Variants in FADS6 observed in about 807,000 individuals in gnomAD.
FADS6 encodes the protein fatty acid desaturase 6.
A neutral mutation model predicts 31.7 loss-of-function variants in FADS6; 28 were observed. The observed-to-expected ratio is 0.88, with a 90% CI of 0.66 to 1.21. The LOEUF is 1.21. Among genes scored for constraint, FADS6 ranks in the 50% most tolerant of loss-of-function variants. The pLI is 0.00. For missense variants in FADS6, 494 were observed against 504.2 expected (o/e 0.98, Z 0.19); for synonymous variants, 191 against 213.1 (o/e 0.90, Z 0.90).
chr17:74,878,301 G>A lies in FADS6; in HGVS notation c.*30C>T. 6.3e-7 allele frequency: 1 copy of A among 1,599,212 alleles called. No homozygotes were observed. The highest frequency in any genetic ancestry group is 1.1e-5 in the South Asian group (1 of 89,162). ...GGAGGGCCAGGGCCAGGCCAGGGAG[G>A]GGCAGGGTGGCTGCACCGGCCCGGC... On this transcript the variant is annotated 3_prime_UTR_variant, in exon 6 of 6. Coordinates refer to ENST00000612771, the MANE Select transcript of FADS6 (RefSeq NM_178128.6).
At chr17:74,891,489 C>T in intron 2 of FADS6, among the ~76,000 whole-genome samples, 1 of 152,090 alleles carries the variant, frequency 6.6e-6, no homozygotes, top group South Asian at 2.1e-4. Flanking sequence ...GACTCCAGAG[C>T]CTGGCCCGTG....
intron 3 of FADS6, among the ~76,000 whole-genome samples, chr17:74,882,235 C>A (rs376968511): frequency 6.6e-6 from 1 of 152,204 alleles, no homozygotes; most frequent in Admixed American, 6.5e-5. Flanking sequence ...CACACGCAGA[C>A]CCTGCAAAAC....
In FADS6 at chr17:74,893,282, G is replaced by A. The variant is rs924043248; in HGVS notation, c.244+70C>T. 4.2e-6 allele frequency: 6 copies of A among 1,428,986 alleles called. No individual in the cohort carries two copies. The African/African-American group carries it at 4.5e-5, about 11-fold the overall frequency. The allele number at this position is 1,428,986 out of a possible 1,614,324, so 88.5% of individuals were successfully genotyped here. On this transcript the variant is annotated intron_variant, in intron 1 of 5. Transcript: ENST00000612771. The stretch of plus-strand genomic sequence containing the variant: ...CCACGGCTGCTGTTGCAGACCCCGC[G>A]CCGCCACCTCCGCCGCACCCCGCCC...
chr17:74,885,774 C>T (rs1294926947), intron 2 of FADS6, among the ~76,000 whole-genome samples: 1 of 152,154 alleles, frequency 6.6e-6, no homozygotes, highest in African/African-American at 2.4e-5. Context: ...TGCCTCAAAT[C>T]CAGTAGAGTG....
Position 74,893,434 on chromosome 17 carries a change from G to GTCCTGCACCAGCACCTCCAGC in FADS6, c.141_161dup (p.Glu47_Gln53dup). ...CCCACCAGGAGCTCGTCCTCACCACGTCCTGCACCAGCACCTCCAGCTCCC... is the reference window on the plus strand; with the variant it reads ...CCCACCAGGAGCTCGTCCTCACCACGTCCTGCACCAGCACCTCCAGCTCCTGCACCAGCACCTCCAGCTCCC... On this transcript the variant is annotated inframe_insertion, in exon 1 of 6. Transcript: ENST00000612771. 6.3e-7 allele frequency: 1 copy of GTCCTGCACCAGCACCTCCAGC among 1,580,812 alleles called. No individual in the cohort carries two copies. Among genetic ancestry groups the GTCCTGCACCAGCACCTCCAGC allele is most frequent in the Non-Finnish European group, 8.6e-7 (1 of 1,165,384 alleles).
intron 2 of FADS6, among the ~76,000 whole-genome samples, chr17:74,884,161 A>G (rs2038600815): frequency 6.6e-6 from 1 of 152,090 alleles, no homozygotes; most frequent in South Asian, 2.1e-4. Context: ...GGTGCTCTCG[A>G]GGACTATTCT....
intron 2 of FADS6, among the ~76,000 whole-genome samples, chr17:74,885,664 C>T (rs1000590070): frequency 6.6e-6 from 1 of 152,054 alleles, no homozygotes; most frequent in Non-Finnish European, 1.5e-5. Context: ...CAGACAACCA[C>T]CACCTACACC....
rs377304907 is a variant in FADS6, at chr17:74,878,427, G to T, written c.1011C>A (p.Asn337Lys). ...GGAAGCGAGCCAGGTATGAGTCCTC[G>T]TTGTACGGTAGCTGCTTCTCACGTA... ...QFLREKQLPY[N>K]EDSYLARFQL... Residue 337 changes from asparagine to lysine, a missense_variant, in exon 6 of 6, where the codon AAC becomes AAA. Around this residue, in one of 2 missense-constraint regions of FADS6, gnomAD observed 454 missense variants for 438.5 expected, o/e 1.04. Transcript: ENST00000612771. 22 of 1,614,010 alleles carry T rather than the reference G, an allele frequency of 1.4e-5. No homozygotes were observed. The highest frequency in any genetic ancestry group is 1.9e-5 in the Non-Finnish European group (22 of 1,179,874).
At chr17:74,891,386 G>A (rs1448345544) in intron 2 of FADS6, among the ~76,000 whole-genome samples, 2 of 151,938 alleles carry the variant, frequency 1.3e-5, no homozygotes, top group Non-Finnish European at 2.9e-5. Flanking sequence ...CTGCCCCTGT[G>A]ACCCAGCATT....
rs188305676 is a variant in FADS6, at chr17:74,877,667, G to C, written c.*664C>G. The C allele has an allele frequency of 2.5e-5, 25 of 983,364 alleles. No individual in the cohort carries two copies. The East Asian group carries it at 2.0e-3, about 80-fold the overall frequency. 60.9% of individuals were successfully genotyped at this position (983,364 alleles called of 1,614,324 possible). ...TACTCTTTCCCTAACTCTGTCCCTG[G>C]GGAACCTTCTCCCCTCACTTCCCCT... On this transcript the variant is annotated 3_prime_UTR_variant, in exon 6 of 6. Coordinates refer to ENST00000612771, the MANE Select transcript of FADS6 (RefSeq NM_178128.6).
chr17:74,886,728 C>A (rs554068801), intron 2 of FADS6, among the ~76,000 whole-genome samples: 1 of 152,194 alleles, frequency 6.6e-6, no homozygotes, highest in African/African-American at 2.4e-5. Flanking sequence ...GCCTGCCATA[C>A]GCCCCCTTTC....
intron 5 of FADS6, 84 bp downstream of exon 5, chr17:74,879,320 G>A (rs1241923184): frequency 1.3e-6 from 2 of 1,513,544 alleles, no homozygotes; most frequent in African/African-American, 2.8e-5. Flanking sequence ...TATAGTGTGA[G>A]CAACGCCCCC....
rs1251910446 is a variant in FADS6, at chr17:74,877,933, G to A, written c.*398C>T. On this transcript the variant is annotated 3_prime_UTR_variant, in exon 6 of 6. Transcript: ENST00000612771. ...CAGGGAGGTCCCAGCCGAGGGAGCT[G>A]ACCCTGTTCTCTCTGTGCCCCCTGC... 5 of 997,540 alleles carry A rather than the reference G, an allele frequency of 5.0e-6. No homozygotes were observed. Among genetic ancestry groups the A allele is most frequent in the Non-Finnish European group, 6.0e-6 (5 of 838,464 alleles). 61.8% of individuals were successfully genotyped at this position (997,540 alleles called of 1,614,324 possible).
intron 2 of FADS6, among the ~76,000 whole-genome samples, chr17:74,886,643 G>GA (rs2038626658): frequency 6.6e-6 from 1 of 152,028 alleles, no homozygotes; most frequent in South Asian, 2.1e-4. Flanking sequence ...TTACCTATTT[G>GA]AAAAATAAGT....
chr17:74,888,126 CCACACA>C lies in FADS6; in HGVS notation c.411+4391_411+4396del, dbSNP rs1165268903. Among the ~76,000 whole-genome samples the C allele has an allele frequency of 9.4e-3, 1,207 of 127,940 alleles. 19 individuals are homozygous for C. The highest frequency in any genetic ancestry group is 0.03 in the African/African-American group (1,054 of 35,364). The allele number at this position is 127,940 out of a possible 152,430, so 83.9% of individuals were successfully genotyped here. ...GCATGGTGTAGGTGGAGCTGAGACA[CCACACA>C]CACACACACACACACACACACACGC... On this transcript the variant is annotated intron_variant, in intron 2 of 5. Transcript: ENST00000612771.
chr17:74,880,573 A>G (rs1373246746), intron 4 of FADS6, among the ~76,000 whole-genome samples: 4 of 151,876 alleles, frequency 2.6e-5, no homozygotes, highest in Admixed American at 2.6e-4. Flanking sequence ...CAGGCTCCTG[A>G]CCTCAGGTGA....
At chr17:74,883,723 G>A (rs1324376374) in intron 2 of FADS6, among the ~76,000 whole-genome samples, 1 of 152,158 alleles carries the variant, frequency 6.6e-6, no homozygotes, top group Non-Finnish European at 1.5e-5. Context: ...GTGCAGTGGT[G>A]AACCTCTGCC....
At chr17:74,890,972 C>T (rs1011687257) in intron 2 of FADS6, among the ~76,000 whole-genome samples, 2 of 152,158 alleles carry the variant, frequency 1.3e-5, no homozygotes, top group Non-Finnish European at 2.9e-5. Flanking sequence ...CATTCTGCTA[C>T]ACACCGAAGT....
At position 74,877,785 on chromosome 17, in the gene FADS6, G is replaced by C; in HGVS notation, c.*546C>G. On this transcript the variant is annotated 3_prime_UTR_variant, in exon 6 of 6. Coordinates refer to ENST00000612771, the MANE Select transcript of FADS6 (RefSeq NM_178128.6). ...GCCAGTGTCTTGCACAGGTTCCTTT[G>C]GCTGAGGATCGAGGAAGGCCTGCCA... The C allele has an allele frequency of 1.0e-6, 1 of 985,976 alleles. No individual in the cohort carries two copies. The highest frequency in any genetic ancestry group is 1.2e-6 in the Non-Finnish European group (1 of 830,340). 61.1% of individuals were successfully genotyped at this position (985,976 alleles called of 1,614,324 possible).
Sources: gnomAD v4.1 joint callset for allele counts (sites outside exome capture counted in the v4.1 genomes callset) on GRCh38, gnomAD v4.1.1 for gene constraint, gnomAD v4.1.1 regional missense constraint, MANE v1.5 for transcripts, NCBI Gene and HGNC (gene_info 2026-07-23, HGNC 2026-07-21) for gene names.